The following FBXW11 variants were observed in gnomAD, a reference collection of about 807,000 sequenced individuals.
FBXW11 encodes F-box and WD repeat domain containing 11.
In FBXW11, 19 loss-of-function variants were observed where a neutral mutation model predicts 77.6. The observed-to-expected ratio is 0.24, with a 90% CI of 0.17 to 0.36. The LOEUF (loss-of-function observed/expected upper bound fraction) is 0.36, where lower values mean the gene tolerates loss of function less well. FBXW11 is among the 10% of genes least tolerant of loss of function. The pLI is 1.00. For synonymous variants in FBXW11, 235 were observed against 249.4 expected (o/e 0.94, Z 0.54); for missense variants, 334 against 704.2 (o/e 0.47, Z 5.95).
At chr5:171,929,886 A>ATTTTT (rs1762079749) in intron 2 of FBXW11, among the ~76,000 whole-genome samples, 1 of 152,166 alleles carries the variant, frequency 6.6e-6, no homozygotes, top group Non-Finnish European at 1.5e-5. Context: ...TTAAAAAATA[A>ATTTTT]AAGTGATGGG....
At chr5:171,945,196 A>G (rs1269185216) in intron 2 of FBXW11, among the ~76,000 whole-genome samples, 2 of 152,260 alleles carry the variant, frequency 1.3e-5, no homozygotes, top group Non-Finnish European at 2.9e-5. Context: ...GCTATTTTCA[A>G]TTGGGTGGTC....
At chr5:171,977,516 A>T (rs1317747676) in intron 1 of FBXW11, 1 of 411,970 alleles carries the variant, frequency 2.4e-6, no homozygotes, top group Non-Finnish European at 4.8e-6. Flanking sequence ...TTCTAATAAG[A>T]GCTGATTGTC....
chr5:171,988,363 T>C (rs1220388434), intron 1 of FBXW11, among the ~76,000 whole-genome samples: 3 of 151,772 alleles, frequency 2.0e-5, no homozygotes, highest in African/African-American at 7.3e-5. Context: ...AAAACAGTGA[T>C]GGGGTCATGT....
intron 6 of FBXW11, among the ~76,000 whole-genome samples, chr5:171,894,469 C>A (rs1759601973): frequency 6.6e-6 from 1 of 152,130 alleles, no homozygotes; most frequent in Non-Finnish European, 1.5e-5. Flanking sequence ...TTCTTGAATC[C>A]CAAAGTGCAG....
chr5:171,956,419 C>T (rs1040833715), intron 2 of FBXW11, among the ~76,000 whole-genome samples: 1 of 152,164 alleles, frequency 6.6e-6, no homozygotes, highest in African/African-American at 2.4e-5. Flanking sequence ...CTAAAGACAA[C>T]TGGGCCTTAT....
chr5:171,890,487 CAAA>C (rs5873290), intron 7 of FBXW11, among the ~76,000 whole-genome samples: 2 of 126,490 alleles, frequency 1.6e-5, no homozygotes. Flanking sequence ...GACTCCGTCT[CAAA>C]AAAAAAAAAA....
intron 7 of FBXW11, among the ~76,000 whole-genome samples, 153 bp from the exon 8 acceptor site, chr5:171,878,282 G>A (rs73329805): frequency 6.6e-6 from 1 of 152,192 alleles, no homozygotes; most frequent in Non-Finnish European, 1.5e-5. Flanking sequence ...GAAATGACAA[G>A]AAGGAATACA....
intron 2 of FBXW11, among the ~76,000 whole-genome samples, chr5:171,923,469 CTAACGTCA>C (rs1211587752): frequency 6.6e-6 from 1 of 152,070 alleles, no homozygotes; most frequent in Non-Finnish European, 1.5e-5. Context: ...CTTTTTTCTT[CTAACGTCA>C]TAAAGATATT....
At chr5:171,956,266 T>G (rs1763607784) in intron 2 of FBXW11, among the ~76,000 whole-genome samples, 1 of 152,208 alleles carries the variant, frequency 6.6e-6, no homozygotes, top group Non-Finnish European at 1.5e-5. Flanking sequence ...TGGCTGCCAT[T>G]CCAAGAACAT....
chr5:171,884,611 T>C (rs1758753308), intron 7 of FBXW11, among the ~76,000 whole-genome samples: 3 of 152,170 alleles, frequency 2.0e-5, no homozygotes. Context: ...CTTTCCTGGT[T>C]TTGGTATTAG....
chr5:171,899,918 C>T lies in FBXW11; in HGVS notation c.619G>A (p.Gly207Arg). Residue 207 changes from glycine to arginine, a missense_variant, in exon 5 of 14, where the codon GGG becomes AGG. Coordinates refer to ENST00000517395, the MANE Select transcript of FBXW11 (RefSeq NM_001378974.1). ...ACAAGCAACCCAAGTACTTACCACC[C>T]TCTTCTTTCTGAAAGTCCTTTCCAT... Reference protein sequence around the residue: ...PLWKGLSERRGWDQYLFKNRP... With the variant: ...PLWKGLSERRRWDQYLFKNRP... The T allele has an allele frequency of 3.1e-6, 5 of 1,605,580 alleles. No homozygotes were observed. The highest frequency in any genetic ancestry group is 4.3e-6 in the Non-Finnish European group (5 of 1,176,152).
chr5:171,897,199 T>C (rs967484058), intron 6 of FBXW11, among the ~76,000 whole-genome samples: 2 of 152,196 alleles, frequency 1.3e-5, no homozygotes, highest in Non-Finnish European at 2.9e-5. Context: ...AAAGAGAAAA[T>C]GCATTATAAA....
At chr5:171,935,778 A>G (rs1762444136) in intron 2 of FBXW11, among the ~76,000 whole-genome samples, 1 of 152,186 alleles carries the variant, frequency 6.6e-6, no homozygotes. Flanking sequence ...TGTCAAAAAA[A>G]TTAATGGTAA....
intron 1 of FBXW11, among the ~76,000 whole-genome samples, chr5:171,978,690 T>C (rs1000850832): frequency 2.0e-5 from 3 of 152,108 alleles, no homozygotes; most frequent in Admixed American, 6.6e-5. Context: ...TTAACAAAAA[T>C]GGCCATTTCA....
At chr5:171,945,510 G>C (rs1432647470) in intron 2 of FBXW11, among the ~76,000 whole-genome samples, 2 of 152,118 alleles carry the variant, frequency 1.3e-5, no homozygotes, top group Admixed American at 6.6e-5. Context: ...ATAGTGCCTA[G>C]CTTATAAAGT....
At position 171,876,969 on chromosome 5, in the gene FBXW11, T is replaced by A. The variant is rs888612527; in HGVS notation, c.972-435A>T. Among the ~76,000 whole-genome samples, 1 of 152,208 alleles carries A rather than the reference T, an allele frequency of 6.6e-6. No individual in the cohort carries two copies. Among genetic ancestry groups the A allele is most frequent in the African/African-American group, 2.4e-5 (1 of 41,448 alleles). On this transcript the variant is annotated intron_variant, in intron 8 of 13. Coordinates refer to ENST00000517395, the MANE Select transcript of FBXW11 (RefSeq NM_001378974.1). The surrounding 1 kb of genome is among the most constrained non-coding windows in gnomAD (Gnocchi z 4.2). The stretch of plus-strand genomic sequence containing the variant: ...AGAGCCTGCAGAACCATGAGTCAAA[T>A]ACACCCCTTTTCTTTATAAATTACC...
intron 2 of FBXW11, among the ~76,000 whole-genome samples, chr5:171,939,619 T>G (rs1489295045): frequency 1.4e-5 from 2 of 141,160 alleles, no homozygotes; most frequent in Non-Finnish European, 1.5e-5. Context: ...GATCACTTGA[T>G]CCCAGGAGTG....
intron 2 of FBXW11, among the ~76,000 whole-genome samples, chr5:171,933,280 G>A (rs1030336030): frequency 7.9e-5 from 12 of 152,038 alleles, no homozygotes; most frequent in South Asian, 4.1e-4. Flanking sequence ...GCTACACACC[G>A]TGTGATCCAA....
At chr5:172,006,431 A>G in intron 1 of FBXW11, 27 bp downstream of exon 1, 2 of 1,529,938 alleles carry the variant, frequency 1.3e-6, no homozygotes, top group South Asian at 1.2e-5. Flanking sequence ...GGACGGAAGC[A>G]CAGACGGTCC....
Sources: gnomAD v4.1 joint callset for allele counts (sites outside exome capture counted in the v4.1 genomes callset) on GRCh38, gnomAD v4.1.1 for gene constraint, Gnocchi (gnomAD v3.1) non-coding constraint, MANE v1.5 for transcripts, NCBI Gene and HGNC (gene_info 2026-07-23, HGNC 2026-07-21) for gene names.